Variants in RPA1 observed in about 807,000 individuals in gnomAD.
The protein encoded by RPA1 is replication protein A 70 kDa DNA-binding subunit.
RPA1 carries 49 observed loss-of-function variants against 83.0 expected under a neutral mutation model. The ratio of observed to expected loss-of-function variants is 0.59; its 90% CI spans 0.47 to 0.75. The LOEUF is 0.75. Ranked by LOEUF, RPA1 falls within the 30% of genes least tolerant of loss-of-function variation. RPA1 has a pLI of 0.00. For missense variants in RPA1, 693 were observed against 776.1 expected, an observed-to-expected ratio of 0.89 and a Z score of 1.27; for synonymous variants, 279 against 281.8, an observed-to-expected ratio of 0.99 and a Z score of 0.10.
intron 11 of RPA1, 75 bp downstream of exon 11, chr17:1,879,774 G>T (rs757437539): frequency 6.3e-7 from 1 of 1,578,402 alleles, no homozygotes. Flanking sequence ...CTATAGGATG[G>T]GGCCTTCAGC....
intron 12 of RPA1, among the ~76,000 whole-genome samples, chr17:1,883,086 C>T (rs1014024111): frequency 8.6e-5 from 13 of 152,042 alleles, no homozygotes; most frequent in Admixed American, 2.0e-4. Flanking sequence ...TTTGGGAGGC[C>T]GAGGGAGGAG....
chr17:1,879,852 A>C (rs1913716135), intron 11 of RPA1, among the ~76,000 whole-genome samples, 153 bp downstream of exon 11: 2 of 147,362 alleles, frequency 1.4e-5, no homozygotes, highest in South Asian at 4.3e-4. Flanking sequence ...GGCCTTCAGC[A>C]CACACAGGAG....
chr17:1,874,032 T>TATATAC (rs1171343408), intron 6 of RPA1, among the ~76,000 whole-genome samples: 55 of 79,246 alleles, frequency 6.9e-4, no homozygotes, highest in African/African-American at 3.4e-3. Context: ...TATATATATA[T>TATATAC]ACACACACAC....
chr17:1,844,873 A>G (rs1386115554), intron 4 of RPA1, among the ~76,000 whole-genome samples, 187 bp downstream of exon 4: 2 of 152,206 alleles, frequency 1.3e-5, no homozygotes, highest in African/African-American at 4.8e-5. Context: ...GCAGAAGATT[A>G]AAGTAGAATG....
At chr17:1,868,294 A>G (rs1913255885) in intron 5 of RPA1, among the ~76,000 whole-genome samples, 1 of 152,146 alleles carries the variant, frequency 6.6e-6, no homozygotes, top group Admixed American at 6.5e-5. Context: ...CTTCTACCTC[A>G]CGGGGCATTT....
intron 12 of RPA1, among the ~76,000 whole-genome samples, chr17:1,880,965 G>A (rs766474561): frequency 3.3e-5 from 5 of 152,190 alleles, no homozygotes; most frequent in Non-Finnish European, 7.3e-5. Context: ...AGGAGGGGAC[G>A]GCCAGGCTTC....
chr17:1,868,034 T>C (rs540246903), intron 5 of RPA1, among the ~76,000 whole-genome samples: 19 of 152,098 alleles, frequency 1.2e-4, no homozygotes, highest in African/African-American at 3.9e-4. Context: ...CAGTGAGCTA[T>C]GATCATGCCG....
chr17:1,852,503 A>G (rs1047595560), intron 4 of RPA1, among the ~76,000 whole-genome samples: 10 of 152,226 alleles, frequency 6.6e-5, no homozygotes, highest in African/African-American at 2.4e-4. Context: ...GGACTGTCCC[A>G]TGTGGTGGAA....
In RPA1 at chr17:1,872,473, C is replaced by G. The variant is rs762917348; in HGVS notation, c.401C>G (p.Ala134Gly). 15 of 1,613,902 alleles carry G rather than the reference C, an allele frequency of 9.3e-6. No homozygotes were observed. In the South Asian group the frequency reaches 1.5e-4, roughly 17 times the overall value. ...QPQVAPPAPA[A>G]SPAASSRPQP... is the part of the protein sequence containing the mutation. Reference sequence around the variant, plus strand: ...CAAGTAGCTCCTCCAGCGCCAGCAGCCAGCCCAGCAGCAAGCAGCAGGCCC... The same window carrying G: ...CAAGTAGCTCCTCCAGCGCCAGCAGGCAGCCCAGCAGCAAGCAGCAGGCCC... Residue 134 changes from alanine to glycine, a missense_variant, in exon 6 of 17, where the codon GCC becomes GGC. By Grantham distance (60) the Ala-to-Gly change is moderately conservative. Transcript: ENST00000254719.
At chr17:1,888,984 C>T in intron 14 of RPA1, 133 bp downstream of exon 14, 2 of 900,216 alleles carry the variant, frequency 2.2e-6, no homozygotes, top group Non-Finnish European at 3.2e-6. Context: ...TGTGGAAGAG[C>T]TTATCCATCC....
chr17:1,859,073 T>C (rs551558473), intron 5 of RPA1, among the ~76,000 whole-genome samples: 18 of 152,122 alleles, frequency 1.2e-4, no homozygotes, highest in African/African-American at 4.3e-4. Context: ...TGGCTAATTT[T>C]TGTATTTTTA....
At chr17:1,831,600 CT>C (rs397856863) in intron 1 of RPA1, among the ~76,000 whole-genome samples, 2,506 of 140,528 alleles carry the variant, frequency 0.018, 43 homozygotes, top group African/African-American at 0.054. Context: ...GGCCTTTGAA[CT>C]TTTTTTTTTT....
chr17:1,880,478 C>G (rs1597452270), intron 11 of RPA1, 65 bp from the exon 12 acceptor site: 3 of 1,556,284 alleles, frequency 1.9e-6, no homozygotes, highest in Non-Finnish European at 2.6e-6. Context: ...GCCTTGTTTT[C>G]TATAAAAATC....
At chr17:1,830,237 G>T in intron 1 of RPA1, 111 bp downstream of exon 1, 2 of 770,126 alleles carry the variant, frequency 2.6e-6, no homozygotes, top group Middle Eastern at 4.5e-4. Context: ...AACGCGAGGG[G>T]AGGAGATGGC....
intron 7 of RPA1, 135 bp downstream of exon 7, chr17:1,875,928 T>G: frequency 3.5e-6 from 3 of 867,990 alleles, no homozygotes; most frequent in Non-Finnish European, 4.7e-6. Context: ...TACTCTTTTT[T>G]TTTTTTTTTT....
intron 5 of RPA1, among the ~76,000 whole-genome samples, chr17:1,861,910 T>A (rs1165166296): frequency 6.6e-6 from 1 of 151,888 alleles, no homozygotes; most frequent in Non-Finnish European, 1.5e-5. Context: ...TTTATTTTTT[T>A]ATTTTTTGAG....
In RPA1 at chr17:1,842,873, A is replaced by G. The variant is rs1912111662; in HGVS notation, c.84+20A>G. On this transcript the variant is annotated intron_variant, in intron 2 of 16. Transcript: ENST00000254719. ...GTCATCGTAAGTACCTGCGTATGTTATGTTCCATGTCAACTTCTTTGGAGT... is the reference window on the plus strand; with the variant it reads ...GTCATCGTAAGTACCTGCGTATGTTGTGTTCCATGTCAACTTCTTTGGAGT... 1.6e-5 allele frequency: 25 copies of G among 1,611,436 alleles called. No homozygotes were observed. The highest frequency in any genetic ancestry group is 4.4e-5 in the South Asian group (4 of 91,004).
chr17:1,894,860 T>C (rs931425407), intron 15 of RPA1, 149 bp from the exon 16 acceptor site: 3 of 588,702 alleles, frequency 5.1e-6, no homozygotes, highest in Non-Finnish European at 9.3e-6. Flanking sequence ...TAAAACAGTT[T>C]CATGTAATGT....
chr17:1,846,311 C>CTTT (rs71150823), intron 4 of RPA1, among the ~76,000 whole-genome samples: 1,049 of 75,664 alleles, frequency 0.014, 5 homozygotes, highest in Non-Finnish European at 0.018. Flanking sequence ...GGAAGCTTTG[C>CTTT]TTTTTTTTTT....
Sources: allele counts gnomAD v4.1 joint callset (sites outside exome capture counted in the v4.1 genomes callset), GRCh38; gene constraint gnomAD v4.1.1; transcripts MANE v1.5; gene names NCBI Gene and HGNC (gene_info 2026-07-23, HGNC 2026-07-21).